The following RGPD2 variants were observed in gnomAD, a reference collection of about 807,000 sequenced individuals.
The protein encoded by RGPD2 is RANBP2 like and GRIP domain containing 2, also known as RANBP2-like and GRIP domain-containing protein 2.
Under a neutral mutation model 36.0 loss-of-function variants are expected in RGPD2, and 2 were observed. The ratio of observed to expected loss-of-function variants is 0.06; its 90% confidence interval spans 0.02 to 0.17. The LOEUF (loss-of-function observed/expected upper bound fraction) is 0.17, where lower values mean the gene tolerates loss of function less well. Among genes scored for constraint, RGPD2 ranks in the 10% least tolerant of loss-of-function variants. The pLI is 1.00. For synonymous variants in RGPD2, 19 were observed against 163.8 expected (o/e 0.12, Z 6.75); for missense variants, 40 against 464.3 (o/e 0.09, Z 8.40).
chr2:87,921,570 CAGAT>C, the RGPD2 span, among the ~76,000 whole-genome samples: 1 of 152,134 alleles, frequency 6.6e-6, no homozygotes. Flanking sequence ...TGGCAAAAGA[CAGAT>C]AGTAGAGTCA....
chr2:87,961,046 G>A, the RGPD2 span, among the ~76,000 whole-genome samples: 133 of 145,416 alleles, frequency 9.1e-4, no homozygotes, highest in Non-Finnish European at 1.7e-3. Context: ...GTTACCAGGC[G>A]TAACTGAAAT....
the RGPD2 span, among the ~76,000 whole-genome samples, chr2:87,892,721 A>C: frequency 6.6e-6 from 1 of 150,454 alleles, no homozygotes; most frequent in Non-Finnish European, 1.5e-5. Flanking sequence ...AGAATTTGAG[A>C]CTATTTGATT....
At chr2:87,824,389 C>G (rs538103866) in intron 1 of RGPD2, among the ~76,000 whole-genome samples, 7 of 152,170 alleles carry the variant, frequency 4.6e-5, no homozygotes, top group Non-Finnish European at 5.9e-5. Flanking sequence ...TATACAGACG[C>G]ATCATCACAC....
At position 87,756,409 on chromosome 2, in the gene RGPD2, C is replaced by T. The variant is rs1252662513; in HGVS notation, c.*983G>A. On this transcript the variant is annotated 3_prime_UTR_variant, in exon 23 of 23. Coordinates refer to ENST00000398146, the MANE Select transcript of RGPD2 (RefSeq NM_001078170.3). ...TTCCCCCATCTAAAAACCCTTTCCC[C>T]ATTCTCTTACTCTGTCTCATCATGT... The T allele has an allele frequency of 1.2e-4, 19 of 153,794 alleles. 1 individual carries two copies. Among genetic ancestry groups the T allele is most frequent in the Non-Finnish European group, 2.3e-4 (16 of 69,854 alleles). The allele number at this position is 153,794 out of a possible 1,614,324, so 9.5% of individuals were successfully genotyped here.
chr2:87,809,396 C>T lies in RGPD2; in HGVS notation c.779+2089G>A, dbSNP rs1325382870. On this transcript the variant is annotated intron_variant, in intron 6 of 22. Coordinates refer to ENST00000398146, the MANE Select transcript of RGPD2 (RefSeq NM_001078170.3). ...AAATTAGCCAGGTGTGGGCTGAGCGCGGTGGCTCACGCCTGTAATCCCAAC... is the reference window on the plus strand; with the variant it reads ...AAATTAGCCAGGTGTGGGCTGAGCGTGGTGGCTCACGCCTGTAATCCCAAC... Among the ~76,000 whole-genome samples, 278 of 145,996 alleles carry T rather than the reference C, an allele frequency of 1.9e-3. 1 individual carries two copies. Among genetic ancestry groups the T allele is most frequent in the Non-Finnish European group, 2.8e-3 (187 of 65,978 alleles).
At chr2:87,872,654 T>C in the RGPD2 span, among the ~76,000 whole-genome samples, 148 of 151,598 alleles carry the variant, frequency 9.8e-4, no homozygotes, top group African/African-American at 3.4e-3. Flanking sequence ...ATTAGCTATT[T>C]TGCCTGATGC....
the RGPD2 span, among the ~76,000 whole-genome samples, chr2:87,888,276 G>T: frequency 6.6e-6 from 1 of 151,658 alleles, no homozygotes; most frequent in Non-Finnish European, 1.5e-5. Context: ...TAGAATGCAA[G>T]GATTTAACGA....
the RGPD2 span, among the ~76,000 whole-genome samples, chr2:87,871,725 C>T: frequency 1.3e-5 from 2 of 151,484 alleles, no homozygotes; most frequent in African/African-American, 2.4e-5. Context: ...ATTAGCCGGG[C>T]GTGGTGGTGC....
At position 87,825,735 on chromosome 2, in the gene RGPD2, C is replaced by T. The variant is rs759073166; in HGVS notation, c.-6G>A. ...TAGGCTTTGCTGCGCCTCATCGCAC[C>T]GCCAACCTGGCTCCCGAGACGCGTG... On this transcript the variant is annotated 5_prime_UTR_variant, in exon 1 of 23. Coordinates refer to ENST00000398146, the MANE Select transcript of RGPD2 (RefSeq NM_001078170.3). 21 of 1,597,068 alleles carry T rather than the reference C, an allele frequency of 1.3e-5. No homozygotes were observed. The highest frequency in any genetic ancestry group is 1.7e-5 in the Non-Finnish European group (20 of 1,172,328).
intron 1 of RGPD2, among the ~76,000 whole-genome samples, chr2:87,824,183 G>A (rs1276907012): frequency 4.7e-5 from 7 of 149,398 alleles, no homozygotes; most frequent in African/African-American, 1.0e-4. Flanking sequence ...CACCACGCCC[G>A]GCTCATTTTT....
At chr2:87,971,755 C>G in the RGPD2 span, among the ~76,000 whole-genome samples, 9 of 151,912 alleles carry the variant, frequency 5.9e-5, no homozygotes, top group Admixed American at 5.9e-4. Context: ...TAACAGTTAT[C>G]TGAAGTAATA....
chr2:87,961,696 T>TA, the RGPD2 span, among the ~76,000 whole-genome samples: 396 of 50,994 alleles, frequency 7.8e-3, 32 homozygotes, highest in Admixed American at 0.01. Flanking sequence ...TAAGACTTCC[T>TA]AAAAAAAAAA....
chr2:87,937,716 C>T, the RGPD2 span, among the ~76,000 whole-genome samples: 1 of 151,900 alleles, frequency 6.6e-6, no homozygotes, highest in African/African-American at 2.4e-5. Flanking sequence ...TTGGAGGGGA[C>T]AAACGTCCAA....
At chr2:87,877,134 A>C in the RGPD2 span, among the ~76,000 whole-genome samples, 1 of 151,962 alleles carries the variant, frequency 6.6e-6, no homozygotes, top group African/African-American at 2.4e-5. Flanking sequence ...ACAGCATACC[A>C]ATGGGTCTTG....
chr2:87,829,549 A>G (rs543499183), upstream of RGPD2, among the ~76,000 whole-genome samples: 1 of 152,146 alleles, frequency 6.6e-6, no homozygotes, highest in Admixed American at 6.5e-5. Context: ...ATGGCTGGGG[A>G]GGCCTCAAAA....
At chr2:87,984,909 G>A in the RGPD2 span, among the ~76,000 whole-genome samples, 53 of 141,122 alleles carry the variant, frequency 3.8e-4, no homozygotes, top group African/African-American at 1.3e-3. Flanking sequence ...CAGCCTAGGC[G>A]ACAGAGCAAC....
chr2:87,817,934 CTT>C (rs1333134774), intron 2 of RGPD2, among the ~76,000 whole-genome samples: 2 of 87,788 alleles, frequency 2.3e-5, no homozygotes, highest in Non-Finnish European at 4.7e-5. Flanking sequence ...GGGAAGATCT[CTT>C]GAGCCCAGAA....
the RGPD2 span, among the ~76,000 whole-genome samples, chr2:87,848,854 G>A: frequency 1.1e-4 from 13 of 122,794 alleles, no homozygotes; most frequent in Admixed American, 1.1e-3. Flanking sequence ...AATAATTGAG[G>A]GTGTGGTGTG....
At chr2:87,763,274 C>T (rs1312357765) in intron 22 of RGPD2, among the ~76,000 whole-genome samples, 1 of 148,442 alleles carries the variant, frequency 6.7e-6, no homozygotes, top group Non-Finnish European at 1.5e-5. Context: ...TCTCCTGCCT[C>T]AGCCTCCCTA....
Sources: gnomAD v4.1 joint callset for allele counts (sites outside exome capture counted in the v4.1 genomes callset) on GRCh38, gnomAD v4.1.1 for gene constraint, MANE v1.5 for transcripts, NCBI Gene and HGNC (gene_info 2026-07-23, HGNC 2026-07-21) for gene names.